Variants in CNTN4 observed in about 807,000 individuals in gnomAD.
CNTN4 encodes the protein contactin 4, also known as contactin-4.
CNTN4 carries 77 observed loss-of-function variants against 122.5 expected under a neutral mutation model. That is an observed-to-expected ratio of 0.63 (90% CI 0.52 to 0.76). The LOEUF is 0.76. Ranked by LOEUF, CNTN4 falls within the 30% of genes least tolerant of loss-of-function variation. The pLI, the probability that CNTN4 is intolerant of heterozygous loss-of-function variation, is 0.00. For synonymous variants in CNTN4, 512 were observed against 447.0 expected, an observed-to-expected ratio of 1.15 and a Z score of -1.83; for missense variants, 1,256 against 1,259.1, an observed-to-expected ratio of 1.00 and a Z score of 0.04.
intron 3 of CNTN4, among the ~76,000 whole-genome samples, chr3:2,506,248 A>G (rs1366915011): frequency 6.6e-6 from 1 of 152,220 alleles, no homozygotes; most frequent in African/African-American, 2.4e-5. Flanking sequence ...ATGCCAAAGA[A>G]TAAAATGAAA....
intron 2 of CNTN4, among the ~76,000 whole-genome samples, chr3:2,194,189 C>G (rs1444972893): frequency 6.6e-6 from 1 of 152,062 alleles, no homozygotes; most frequent in Non-Finnish European, 1.5e-5. Context: ...TGGGGCCAGG[C>G]ATGGTGGTTC....
At chr3:3,005,313 T>C (rs892829621) in intron 14 of CNTN4, among the ~76,000 whole-genome samples, 3 of 152,256 alleles carry the variant, frequency 2.0e-5, no homozygotes, top group African/African-American at 7.2e-5. Context: ...GTTTAATTTC[T>C]ACTTCCTTTT....
intron 2 of CNTN4, among the ~76,000 whole-genome samples, chr3:2,296,148 C>G (rs2042302822): frequency 6.6e-6 from 1 of 152,068 alleles, no homozygotes; most frequent in African/African-American, 2.4e-5. Context: ...TTAGGATTGA[C>G]TTGGCGATGC....
At chr3:3,018,958 A>T (rs1698018920) in intron 14 of CNTN4, among the ~76,000 whole-genome samples, 1 of 152,148 alleles carries the variant, frequency 6.6e-6, no homozygotes, top group Non-Finnish European at 1.5e-5. Context: ...ACTTAAAAGG[A>T]CTCCCAGTGG....
intron 2 of CNTN4, among the ~76,000 whole-genome samples, chr3:2,212,321 G>A (rs527948452): frequency 2.7e-4 from 41 of 152,166 alleles, no homozygotes; most frequent in African/African-American, 9.9e-4. Flanking sequence ...AAATGCTTCT[G>A]TATTAGTCTG....
chr3:2,377,306 C>G (rs1021775355), intron 3 of CNTN4, among the ~76,000 whole-genome samples: 1 of 152,176 alleles, frequency 6.6e-6, no homozygotes, highest in Admixed American at 6.5e-5. Flanking sequence ...TTGCATTGAA[C>G]TCTCTTTAAT....
chr3:2,805,328 C>T (rs532822173), intron 6 of CNTN4, among the ~76,000 whole-genome samples: 1 of 152,090 alleles, frequency 6.6e-6, no homozygotes. Flanking sequence ...TGGAGTTGTG[C>T]TAGAATTCAG....
At chr3:2,523,317 G>T (rs2077285032) in intron 3 of CNTN4, among the ~76,000 whole-genome samples, 1 of 145,828 alleles carries the variant, frequency 6.9e-6, no homozygotes, top group South Asian at 2.1e-4. Context: ...ATATTATGTT[G>T]CTCCTAGTGG....
At chr3:2,776,794 G>A (rs116239397) in intron 6 of CNTN4, among the ~76,000 whole-genome samples, 185 of 152,250 alleles carry the variant, frequency 1.2e-3, no homozygotes, top group Admixed American at 3.1e-3. Context: ...TGAGCCCGTA[G>A]AGTACAAAGT....
chr3:3,033,650 C>G (rs1489620704), intron 16 of CNTN4, among the ~76,000 whole-genome samples: 4 of 152,212 alleles, frequency 2.6e-5, no homozygotes, highest in African/African-American at 7.2e-5. Flanking sequence ...ATTATGTCCC[C>G]TCACCATCAC....
intron 2 of CNTN4, among the ~76,000 whole-genome samples, chr3:2,109,529 A>G (rs1448264177): frequency 2.0e-5 from 3 of 152,148 alleles, no homozygotes; most frequent in East Asian, 1.9e-4. Context: ...CATGTTGCCT[A>G]TGCCTTTCAG....
intron 13 of CNTN4, among the ~76,000 whole-genome samples, chr3:2,931,938 A>G (rs1360070654): frequency 1.3e-5 from 2 of 152,038 alleles, no homozygotes; most frequent in African/African-American, 4.8e-5. Flanking sequence ...AGAAGCCACC[A>G]CACCTTGCCC....
At chr3:2,256,540 C>T (rs1466580787) in intron 2 of CNTN4, among the ~76,000 whole-genome samples, 1 of 152,136 alleles carries the variant, frequency 6.6e-6, no homozygotes, top group African/African-American at 2.4e-5. Context: ...CAAAAATCAT[C>T]AGTAAAATAC....
intron 3 of CNTN4, among the ~76,000 whole-genome samples, chr3:2,406,359 T>A (rs1466062451): frequency 6.6e-6 from 1 of 152,232 alleles, no homozygotes; most frequent in East Asian, 1.9e-4. Context: ...AATCTCATCA[T>A]GAGGCTGCAC....
chr3:2,542,311 A>G (rs2078064425), intron 3 of CNTN4, among the ~76,000 whole-genome samples: 1 of 152,174 alleles, frequency 6.6e-6, no homozygotes, highest in Non-Finnish European at 1.5e-5. Context: ...TCTAATAGTC[A>G]GATAGGCAAA....
chr3:2,845,261 G>T (rs2093435520), intron 7 of CNTN4, among the ~76,000 whole-genome samples: 1 of 151,982 alleles, frequency 6.6e-6, no homozygotes, highest in Non-Finnish European at 1.5e-5. Context: ...CTTTTGTAAG[G>T]AAACCAAAAC....
intron 3 of CNTN4, among the ~76,000 whole-genome samples, chr3:2,476,470 C>G (rs1427841386): frequency 6.6e-6 from 1 of 152,166 alleles, no homozygotes; most frequent in Non-Finnish European, 1.5e-5. Context: ...CACATCCATA[C>G]AATGTTATAC....
chr3:2,154,388 A>T (rs975797618), intron 2 of CNTN4, among the ~76,000 whole-genome samples: 1 of 152,024 alleles, frequency 6.6e-6, no homozygotes, highest in Non-Finnish European at 1.5e-5. Flanking sequence ...TCAAAAAAAA[A>T]AAAAATAAAA....
In CNTN4 at chr3:2,902,922, A is replaced by G. The variant is rs1307036912; in HGVS notation, c.1124A>G (p.Asn375Ser). The G allele has an allele frequency of 1.2e-6, 2 of 1,613,776 alleles. No individual in the cohort carries two copies. Among genetic ancestry groups the G allele is most frequent in the Non-Finnish European group, 1.7e-6 (2 of 1,179,790 alleles). The part of the protein sequence containing the change: ...EQGTLNITIV[N>S]LSDAGMYQCL... ...GGAACACTCAACATAACAATAGTGA[A>G]CCTCTCAGATGCTGGCATGTATCAG... Residue 375 changes from asparagine (N) to serine (S), a missense_variant, in exon 12 of 25, where the codon AAC becomes AGC. Coordinates refer to ENST00000418658, the MANE Select transcript of CNTN4 (RefSeq NM_175607.3).
Sources: gnomAD v4.1 joint callset for allele counts (sites outside exome capture counted in the v4.1 genomes callset) on GRCh38, gnomAD v4.1.1 for gene constraint, MANE v1.5 for transcripts, NCBI Gene and HGNC (gene_info 2026-07-23, HGNC 2026-07-21) for gene names.